TLL2: variants seen among roughly 807,000 people sequenced by gnomAD.
TLL2 encodes tolloid-like protein 2.
A neutral mutation model predicts 123.0 loss-of-function variants in TLL2; 106 were observed. The ratio of observed to expected loss-of-function variants is 0.86; its 90% CI spans 0.74 to 1.01. The LOEUF is 1.01. Ranked by LOEUF, TLL2 falls within the 50% of genes least tolerant of loss-of-function variation. The pLI is 0.00. For missense variants in TLL2, 1,332 were observed against 1,336.7 expected, an observed-to-expected ratio of 1.00 and a Z score of 0.06; for synonymous variants, 494 against 516.8, an observed-to-expected ratio of 0.96 and a Z score of 0.60.
intron 9 of TLL2, among the ~76,000 whole-genome samples, chr10:96,407,457 T>C (rs1846461713): frequency 6.6e-6 from 1 of 152,196 alleles, no homozygotes. Flanking sequence ...CCCTCTAGTT[T>C]CCTCATCTGT....
Position 96,420,970 on chromosome 10 carries a change from C to G in TLL2, c.909G>C (p.Arg303=), listed in dbSNP as rs766007431. 2 of 1,614,054 alleles carry G rather than the reference C, an allele frequency of 1.2e-6. No individual in the cohort carries two copies. Among genetic ancestry groups the G allele is most frequent in the South Asian group, 2.2e-5 (2 of 91,070 alleles). Residue 303 remains arginine (R), a synonymous_variant, in exon 7 of 21, where the codon CGG becomes CGC. Coordinates refer to ENST00000357947, the MANE Select transcript of TLL2 (RefSeq NM_012465.4). ...TAGATTCCGACCTTGAGAAGGTGTT[C>G]CGGGCGTAGTGCATGATGCTGTCAA... is the stretch of plus-strand genomic sequence containing the variant. ...YDFDSIMHYA[R]NTFSRGVFLD...
chr10:96,476,732 C>T (rs1847256744), intron 2 of TLL2, among the ~76,000 whole-genome samples: 1 of 152,034 alleles, frequency 6.6e-6, no homozygotes, highest in South Asian at 2.1e-4. Flanking sequence ...CATTGAATCA[C>T]TACTGCCGTT....
At chr10:96,453,215 G>A (rs1012733386) in intron 2 of TLL2, among the ~76,000 whole-genome samples, 2 of 152,168 alleles carry the variant, frequency 1.3e-5, no homozygotes, top group African/African-American at 4.8e-5. Flanking sequence ...CAGCACTTCG[G>A]GAGGCAGAGG....
chr10:96,413,958 T>C (rs1923692), intron 7 of TLL2, among the ~76,000 whole-genome samples: 1 of 152,080 alleles, frequency 6.6e-6, no homozygotes, highest in African/African-American at 2.4e-5. Flanking sequence ...TAAGTCTCAG[T>C]TTACCCCACT....
intron 4 of TLL2, 136 bp downstream of exon 4, chr10:96,432,671 G>T (rs936680290): frequency 2.7e-6 from 3 of 1,114,422 alleles, no homozygotes; most frequent in Non-Finnish European, 2.5e-6. Context: ...GCCGGCAAGA[G>T]GGGGGCATCA....
At chr10:96,406,105 A>G (rs986004207) in intron 9 of TLL2, among the ~76,000 whole-genome samples, 1 of 152,094 alleles carries the variant, frequency 6.6e-6, no homozygotes, top group South Asian at 2.1e-4. Flanking sequence ...CAAATAGGTG[A>G]CTACTTAGTA....
At chr10:96,475,440 A>G (rs1002685299) in intron 2 of TLL2, among the ~76,000 whole-genome samples, 3 of 152,222 alleles carry the variant, frequency 2.0e-5, no homozygotes, top group Non-Finnish European at 4.4e-5. Flanking sequence ...AGCTGGCAAT[A>G]TGATGGGCAG....
intron 7 of TLL2, among the ~76,000 whole-genome samples, chr10:96,417,469 C>T (rs1476085105): frequency 6.6e-6 from 1 of 152,194 alleles, no homozygotes; most frequent in East Asian, 1.9e-4. Context: ...ATAGCCAAAT[C>T]CTACTGCAAT....
At chr10:96,441,061 TTC>T (rs1166329713) in intron 3 of TLL2, among the ~76,000 whole-genome samples, 1 of 152,216 alleles carries the variant, frequency 6.6e-6, no homozygotes, top group East Asian at 1.9e-4. Flanking sequence ...CCCATTTAAA[TTC>T]TCTGGCTCTG....
intron 13 of TLL2, among the ~76,000 whole-genome samples, chr10:96,388,945 T>C (rs1210931788): frequency 1.3e-5 from 2 of 152,362 alleles, no homozygotes; most frequent in East Asian, 3.9e-4. Context: ...AGAGAGACAA[T>C]CCAGGCAGGG....
chr10:96,394,056 T>C (rs1359728500), intron 13 of TLL2, among the ~76,000 whole-genome samples: 1 of 152,204 alleles, frequency 6.6e-6, no homozygotes, highest in Admixed American at 6.5e-5. Context: ...AAGTGGGTTC[T>C]TTTGACACCC....
rs763516744 is a variant in TLL2 at position 96,387,041 on chromosome 10, G to A, written c.1764C>T (p.Cys588=). ...CCAGCGTGTTCACACAGCGATGCTCGCACCCGCCGTGATCTGGCCAGGAAC... is the reference window on the plus strand; with the variant it reads ...CCAGCGTGTTCACACAGCGATGCTCACACCCGCCGTGATCTGGCCAGGAAC... The part of the protein sequence containing the change: ...DECSWPDHGG[C]EHRCVNTLGS... Residue 588 remains cysteine, a synonymous_variant, in exon 14 of 21, where the codon TGC becomes TGT. Transcript: ENST00000357947. 11 of 1,613,614 alleles carry A rather than the reference G, an allele frequency of 6.8e-6. No individual in the cohort carries two copies. Among genetic ancestry groups the A allele is most frequent in the Admixed American group, 1.7e-5 (1 of 60,006 alleles).
chr10:96,447,713 A>C (rs1748922064), intron 2 of TLL2, among the ~76,000 whole-genome samples: 1 of 152,232 alleles, frequency 6.6e-6, no homozygotes, highest in Non-Finnish European at 1.5e-5. Flanking sequence ...ATTTTTAAAC[A>C]AAAATATTAT....
Position 96,400,375 on chromosome 10 carries a change from A to C in TLL2, c.1268-3073T>G, listed in dbSNP as rs866893399. 7.3e-3 allele frequency among the ~76,000 whole-genome samples: 1,110 copies of C among 152,066 alleles called. 18 individuals are homozygous for C. Among genetic ancestry groups the C allele is most frequent in the African/African-American group, 0.025 (1,041 of 41,444 alleles). ...CTACCATCAAAAAAAAAAAAAAAAA[A>C]AAAAACAAAACCTTCACTGACTGAG... is the stretch of plus-strand genomic sequence containing the variant. On this transcript the variant is annotated intron_variant, in intron 10 of 20. Coordinates refer to ENST00000357947, the MANE Select transcript of TLL2 (RefSeq NM_012465.4).
chr10:96,401,689 TTGTTTCAA>T (rs1846398951), intron 10 of TLL2, among the ~76,000 whole-genome samples: 1 of 152,134 alleles, frequency 6.6e-6, no homozygotes, highest in African/African-American at 2.4e-5. Flanking sequence ...TGAGAAAATC[TTGTTTCAA>T]ATTCAAGAAA....
At chr10:96,384,966 T>C (rs1198027420) in intron 15 of TLL2, among the ~76,000 whole-genome samples, 199 bp from the exon 16 acceptor site, 1 of 152,248 alleles carries the variant, frequency 6.6e-6, no homozygotes, top group East Asian at 1.9e-4. Flanking sequence ...TGAGGCTCTG[T>C]GGGGGTGCCA....
intron 1 of TLL2, among the ~76,000 whole-genome samples, chr10:96,504,882 C>G (rs1847564423): frequency 6.6e-6 from 1 of 152,152 alleles, no homozygotes; most frequent in Non-Finnish European, 1.5e-5. Context: ...GTGGCGGGCG[C>G]CTGTAGCGCC....
At chr10:96,455,754 C>T (rs148222419) in intron 2 of TLL2, among the ~76,000 whole-genome samples, 1 of 152,394 alleles carries the variant, frequency 6.6e-6, no homozygotes, top group Non-Finnish European at 1.5e-5. Context: ...GGGCAACCAG[C>T]AGCCCTTTTG....
At chr10:96,390,704 A>G (rs910808742) in intron 13 of TLL2, among the ~76,000 whole-genome samples, 5 of 152,234 alleles carry the variant, frequency 3.3e-5, no homozygotes, top group Admixed American at 1.3e-4. Flanking sequence ...CGTTGTGTTC[A>G]CAGAGCATCT....
Sources: allele counts gnomAD v4.1 joint callset (sites outside exome capture counted in the v4.1 genomes callset), GRCh38; gene constraint gnomAD v4.1.1; transcripts MANE v1.5; gene names NCBI Gene and HGNC (gene_info 2026-07-23, HGNC 2026-07-21).